The following KIF1B variants were observed in gnomAD, a reference collection of about 807,000 sequenced individuals.
KIF1B encodes the protein kinesin-like protein KIF1B.
Under a neutral mutation model 241.9 loss-of-function variants are expected in KIF1B, and 76 were observed. The observed-to-expected ratio is 0.31, with a 90% CI of 0.26 to 0.38. The LOEUF is 0.38. KIF1B is among the 10% of genes least tolerant of loss of function. The pLI is 1.00. For synonymous variants in KIF1B, 750 were observed against 796.7 expected (o/e 0.94, Z 0.99); for missense variants, 1,622 against 2,271.4 (o/e 0.71, Z 5.81).
At chr1:10,255,464 C>T (rs1266948978) in intron 2 of KIF1B, among the ~76,000 whole-genome samples, 2 of 152,044 alleles carry the variant, frequency 1.3e-5, no homozygotes, top group African/African-American at 4.8e-5. Flanking sequence ...GTGGTGGATG[C>T]CAGTAATCCC....
chr1:10,242,747 C>A (rs1647155162), intron 2 of KIF1B, among the ~76,000 whole-genome samples: 1 of 152,086 alleles, frequency 6.6e-6, no homozygotes, highest in African/African-American at 2.4e-5. Context: ...AAACTCCTGA[C>A]CTCGTGATCT....
intron 27 of KIF1B, among the ~76,000 whole-genome samples, chr1:10,328,588 C>T (rs1178656031): frequency 3.9e-5 from 6 of 152,206 alleles, no homozygotes; most frequent in Admixed American, 2.0e-4. Flanking sequence ...TTCTTCAGCA[C>T]GTTTCCATCC....
intron 5 of KIF1B, 62 bp downstream of exon 5, chr1:10,262,032 A>G (rs1353247244): frequency 3.1e-5 from 33 of 1,068,872 alleles, no homozygotes; most frequent in Non-Finnish European, 4.2e-5. Flanking sequence ...AGCATCACTT[A>G]AATGGCTCCA....
chr1:10,236,085 A>G (rs895835497), intron 2 of KIF1B, among the ~76,000 whole-genome samples: 2 of 151,818 alleles, frequency 1.3e-5, no homozygotes, highest in African/African-American at 4.8e-5. Flanking sequence ...CAGCCTGGCC[A>G]ATATGGTGAA....
intron 22 of KIF1B, among the ~76,000 whole-genome samples, chr1:10,314,319 C>T (rs1037370128): frequency 6.6e-6 from 1 of 151,460 alleles, no homozygotes; most frequent in African/African-American, 2.5e-5. Context: ...TTTAAAAGCT[C>T]GTAAGTAGCC....
At position 10,303,321 on chromosome 1, in the gene KIF1B, T is replaced by G. The variant is rs771576745; in HGVS notation, c.2115+6075T>G. The G allele has an allele frequency of 3.1e-6, 5 of 1,613,974 alleles. No individual in the cohort carries two copies. In the Admixed American group the frequency reaches 8.3e-5, roughly 27 times the overall value. On this transcript the variant is annotated intron_variant, in intron 22 of 48. Transcript: ENST00000676179. The surrounding 1 kb of genome is among the most constrained non-coding windows in gnomAD (Gnocchi z 5.2). ...GCAGTGGGAAGAAACGTGAACCAAT[T>G]AAAATGTATCAGATACCCCAAAGAA...
At chr1:10,256,618 T>C (rs1165889311) in intron 3 of KIF1B, among the ~76,000 whole-genome samples, 3 of 151,862 alleles carry the variant, frequency 2.0e-5, no homozygotes, top group Non-Finnish European at 4.4e-5. Flanking sequence ...TAGACATTTC[T>C]TGAGGATTTA....
At chr1:10,339,736 T>C (rs1451224815) in intron 31 of KIF1B, 33 bp from the exon 32 acceptor site, 2 of 1,575,226 alleles carry the variant, frequency 1.3e-6, no homozygotes, top group Non-Finnish European at 1.7e-6. Context: ...GTTTAATGCA[T>C]TGTTCACGAG....
intron 33 of KIF1B, 102 bp from the exon 34 acceptor site, chr1:10,343,130 C>T: frequency 8.1e-7 from 1 of 1,236,570 alleles, no homozygotes; most frequent in Non-Finnish European, 1.2e-6. Flanking sequence ...TTGTGAAACC[C>T]CTAAAGAGAA....
chr1:10,216,552 C>G (rs903310577), intron 1 of KIF1B, among the ~76,000 whole-genome samples: 1 of 152,152 alleles, frequency 6.6e-6, no homozygotes, highest in Middle Eastern at 3.2e-3. Context: ...TACTCCGTGT[C>G]ATGGAGAAAC....
intron 1 of KIF1B, among the ~76,000 whole-genome samples, chr1:10,212,915 T>TATATATATATATATATATAC (rs1646715179): frequency 8.2e-6 from 1 of 121,676 alleles, no homozygotes; most frequent in Non-Finnish European, 1.7e-5. Flanking sequence ...TATATATATA[T>TATATATATATATATATATAC]ATATATATAT....
intron 38 of KIF1B, among the ~76,000 whole-genome samples, chr1:10,358,102 CAAA>C (rs541043240): frequency 8.2e-5 from 7 of 85,122 alleles, no homozygotes; most frequent in Non-Finnish European, 1.4e-4. Flanking sequence ...AAGTCCAAAG[CAAA>C]AAAAAAAAAA....
At chr1:10,373,272 T>G (rs1309007075) in intron 45 of KIF1B, among the ~76,000 whole-genome samples, 10 of 147,078 alleles carry the variant, frequency 6.8e-5, no homozygotes, top group Non-Finnish European at 1.3e-4. Flanking sequence ...TTTTTTTTTT[T>G]TGAGACAGAG....
At chr1:10,336,125 A>T (rs1016915550) in intron 28 of KIF1B, among the ~76,000 whole-genome samples, 2 of 152,206 alleles carry the variant, frequency 1.3e-5, no homozygotes, top group African/African-American at 4.8e-5. Flanking sequence ...TCTAGGTATG[A>T]CATTTGAACA....
chr1:10,301,459 A>C (rs1216309312), intron 22 of KIF1B, among the ~76,000 whole-genome samples: 3 of 152,094 alleles, frequency 2.0e-5, no homozygotes, highest in African/African-American at 7.2e-5. Context: ...TGAAGTCAGG[A>C]GTTCAAGACC....
At chr1:10,339,089 A>G (rs754096007) in intron 31 of KIF1B, among the ~76,000 whole-genome samples, 1 of 151,564 alleles carries the variant, frequency 6.6e-6, no homozygotes, top group Non-Finnish European at 1.5e-5. Context: ...AATAATAGGG[A>G]GAGAGAGAGA....
At chr1:10,314,820 C>A (rs1289778276) in intron 22 of KIF1B, among the ~76,000 whole-genome samples, 1 of 151,618 alleles carries the variant, frequency 6.6e-6, no homozygotes, top group East Asian at 1.9e-4. Context: ...CATCCTCATA[C>A]CTTAACTGTC....
intron 45 of KIF1B, among the ~76,000 whole-genome samples, chr1:10,373,032 G>A (rs1302753526): frequency 6.6e-6 from 1 of 151,084 alleles, no homozygotes; most frequent in African/African-American, 2.4e-5. Flanking sequence ...GGTCAGGCTA[G>A]TCTCAAACTG....
intron 14 of KIF1B, among the ~76,000 whole-genome samples, chr1:10,280,642 G>A (rs1649364276): frequency 6.6e-6 from 1 of 152,314 alleles, no homozygotes; most frequent in East Asian, 1.9e-4. Context: ...TGAGGTTAGG[G>A]CTTAAAGGCA....
Sources: gnomAD v4.1 joint callset for allele counts (sites outside exome capture counted in the v4.1 genomes callset) on GRCh38, gnomAD v4.1.1 for gene constraint, Gnocchi (gnomAD v3.1) non-coding constraint, MANE v1.5 for transcripts, NCBI Gene and HGNC (gene_info 2026-07-23, HGNC 2026-07-21) for gene names.